The following PGR variants were observed in gnomAD, a reference collection of about 807,000 sequenced individuals.
PGR encodes nuclear receptor subfamily 3 group C member 3.
In PGR, 25 loss-of-function variants were observed where a neutral mutation model predicts 76.1. The ratio of observed to expected loss-of-function variants is 0.33; its 90% confidence interval spans 0.24 to 0.46. The LOEUF (loss-of-function observed/expected upper bound fraction) is 0.46. Ranked by LOEUF, PGR falls within the 20% of genes least tolerant of loss-of-function variation. The pLI, the probability that PGR is intolerant of heterozygous loss-of-function variation, is 1.00. For missense variants in PGR, 1,172 were observed against 1,225.3 expected, an observed-to-expected ratio of 0.96 and a Z score of 0.65; for synonymous variants, 579 against 535.0, an observed-to-expected ratio of 1.08 and a Z score of -1.14.
chr11:101,084,598 C>T lies in PGR; in HGVS notation c.1906+7162G>A, dbSNP rs539086206. Reference sequence around the variant, plus strand: ...GCTTGAACCTGGGAGGTGGAGGTTGCAGTGAGCTGAGATTGCGCCACTGCA... The same window carrying T: ...GCTTGAACCTGGGAGGTGGAGGTTGTAGTGAGCTGAGATTGCGCCACTGCA... On this transcript the variant is annotated intron_variant, in intron 3 of 7. Transcript: ENST00000325455. 2.2e-4 allele frequency among the ~76,000 whole-genome samples: 32 copies of T among 148,044 alleles called. 1 individual carries two copies. In the South Asian group the frequency reaches 6.9e-3, roughly 32 times the overall value.
chr11:101,094,390 C>T (rs148494608), intron 2 of PGR, among the ~76,000 whole-genome samples: 24 of 152,324 alleles, frequency 1.6e-4, no homozygotes, highest in African/African-American at 4.1e-4. Context: ...TCTTTCCCCA[C>T]CTGTCCCATT....
At chr11:101,092,817 A>T (rs1861714968) in intron 2 of PGR, among the ~76,000 whole-genome samples, 1 of 152,196 alleles carries the variant, frequency 6.6e-6, no homozygotes, top group Non-Finnish European at 1.5e-5. Flanking sequence ...GAGTCTTTTA[A>T]TATCATCAGC....
chr11:101,126,193 T>C, intron 1 of PGR, 35 bp from the exon 2 acceptor site: 1 of 1,604,882 alleles, frequency 6.2e-7, no homozygotes. Flanking sequence ...CATTTATTTT[T>C]AAGTGCACCA....
In PGR at chr11:101,034,341, C is replaced by T. The variant is rs144596079; in HGVS notation, c.*4775G>A. 113 of 215,870 alleles carry T rather than the reference C, an allele frequency of 5.2e-4. No homozygotes were observed. The highest frequency in any genetic ancestry group is 2.5e-3 in the African/African-American group (112 of 44,476). 13.4% of individuals were successfully genotyped at this position (215,870 alleles called of 1,614,324 possible). On this transcript the variant is annotated 3_prime_UTR_variant, in exon 8 of 8. Transcript: ENST00000325455. ...ATAAGGCTGCGGACAAGCTTGGGCGCAGCCCCTGTGCCTGTGACCTGAGCT... is the reference window on the plus strand; with the variant it reads ...ATAAGGCTGCGGACAAGCTTGGGCGTAGCCCCTGTGCCTGTGACCTGAGCT...
Position 101,129,418 on chromosome 11 carries a change from G to C in PGR, c.-348C>G, listed in dbSNP as rs540265780. On this transcript the variant is annotated 5_prime_UTR_variant, in exon 1 of 8. Coordinates refer to ENST00000325455, the MANE Select transcript of PGR (RefSeq NM_000926.4). ...CTTCTGTCCGAGGACTGGAGACGCA[G>C]AGTACTCACAAGTCCGGCACTTGAG... 4.0e-5 allele frequency: 12 copies of C among 301,890 alleles called. 1 individual carries two copies. In the East Asian group the frequency reaches 6.0e-4, roughly 15 times the overall value. 18.7% of individuals were successfully genotyped at this position (301,890 alleles called of 1,614,324 possible). A position where few individuals can be genotyped will look rare whatever the true frequency, so the allele number is the denominator to read the frequency against.
Position 101,031,089 on chromosome 11 carries a change from C to T in PGR, c.*8027G>A, listed in dbSNP as rs1591358844. The T allele has an allele frequency of 5.0e-6, 1 of 199,162 alleles. No homozygotes were observed. Among genetic ancestry groups the T allele is most frequent in the East Asian group, 7.8e-5 (1 of 12,874 alleles). The allele number at this position is 199,162 out of a possible 1,614,324, so 12.3% of individuals were successfully genotyped here. On this transcript the variant is annotated 3_prime_UTR_variant, in exon 8 of 8. Coordinates refer to ENST00000325455, the MANE Select transcript of PGR (RefSeq NM_000926.4). ...TAGCAGGCAGTGGTAAGCCATGGCT[C>T]TCCTGAAGGGGCAAGGTGACTCCAC...
At chr11:101,079,363 A>C (rs985767624) in intron 3 of PGR, among the ~76,000 whole-genome samples, 8 of 152,166 alleles carry the variant, frequency 5.3e-5, no homozygotes, top group African/African-American at 1.7e-4. Context: ...AATATTTGAA[A>C]ACTATTCATC....
chr11:101,105,573 A>C (rs1862129847), intron 2 of PGR, among the ~76,000 whole-genome samples: 1 of 151,492 alleles, frequency 6.6e-6, no homozygotes, highest in Non-Finnish European at 1.5e-5. Context: ...CAAGAAAATC[A>C]GAGAGGACAC....
At chr11:101,098,629 T>C (rs481855) in intron 2 of PGR, among the ~76,000 whole-genome samples, 45,003 of 151,994 alleles carry the variant, frequency 0.3, 6,853 homozygotes, top group Non-Finnish European at 0.31. Context: ...AAATGAAAGC[T>C]GGAGGAACAA....
rs1051581099 is a variant in PGR, at chr11:101,037,119, GA to G, written c.*1996del. The G allele has an allele frequency of 1.5e-5, 3 of 198,640 alleles. No individual in the cohort carries two copies. Among genetic ancestry groups the G allele is most frequent in the Admixed American group, 1.2e-4 (2 of 16,548 alleles). 12.3% of individuals were successfully genotyped at this position (198,640 alleles called of 1,614,324 possible). On this transcript the variant is annotated 3_prime_UTR_variant, in exon 8 of 8. Coordinates refer to ENST00000325455, the MANE Select transcript of PGR (RefSeq NM_000926.4). ...TTTTTCTTGGGATGACATTTGTGGG[GA>G]AAATATATTGAAAGCCTTTTCAATA...
rs1862895953 is a variant in PGR, at chr11:101,127,587, A to G, written c.1484T>C (p.Leu495Pro). The change falls in exon 1 of 8, where the codon CTG becomes CCG. Residue 495 changes from leucine (L) to proline (P), a missense_variant. Around this residue, in one of 4 missense-constraint regions of PGR, gnomAD observed 893 missense variants for 785.9 expected, o/e 1.14. Transcript: ENST00000325455. ...GGCGGCAGAGGCGGAGGTGGAGGGC[A>G]GGCCGTCCCGCGGGAGCAGGCAGCC... ...ASGCLLPRDG[L>P]PSTSASAAAA... 1 of 1,315,446 alleles carries G rather than the reference A, an allele frequency of 7.6e-7. No individual in the cohort carries two copies. 81.5% of individuals were successfully genotyped at this position (1,315,446 alleles called of 1,614,324 possible).
At chr11:101,109,895 G>A (rs1490027071) in intron 2 of PGR, among the ~76,000 whole-genome samples, 1 of 152,182 alleles carries the variant, frequency 6.6e-6, no homozygotes. Flanking sequence ...ATGAAGCTGG[G>A]CATTTGAAGT....
In PGR at chr11:101,129,190, A is replaced by G. The variant is rs1371187908; in HGVS notation, c.-120T>C. On this transcript the variant is annotated 5_prime_UTR_variant, in exon 1 of 8. Coordinates refer to ENST00000325455, the MANE Select transcript of PGR (RefSeq NM_000926.4). ...GAAAGTGGGTGTTGAATGTGGCTGG[A>G]CCGGAGGGATCTCCACCTCCTGGGT... 2.2e-5 allele frequency: 4 copies of G among 183,932 alleles called. No homozygotes were observed. The highest frequency in any genetic ancestry group is 3.6e-5 in the Non-Finnish European group (4 of 111,054). The allele number at this position is 183,932 out of a possible 1,614,324, so 11.4% of individuals were successfully genotyped here.
chr11:101,104,439 A>G (rs1050616228), intron 2 of PGR, among the ~76,000 whole-genome samples: 2 of 152,236 alleles, frequency 1.3e-5, no homozygotes, highest in African/African-American at 4.8e-5. Flanking sequence ...TAAGGCTGTT[A>G]TATGGATTAA....
At chr11:101,094,079 C>T (rs546070627) in intron 2 of PGR, among the ~76,000 whole-genome samples, 4 of 152,252 alleles carry the variant, frequency 2.6e-5, no homozygotes, top group African/African-American at 9.6e-5. Flanking sequence ...TCTTTAGTCT[C>T]TCCAGTCCAG....
intron 2 of PGR, among the ~76,000 whole-genome samples, chr11:101,107,814 T>G (rs1862211566): frequency 6.7e-6 from 1 of 149,400 alleles, no homozygotes; most frequent in African/African-American, 2.5e-5. Context: ...TGACTTAAGA[T>G]TCTGTTATAA....
At chr11:101,093,129 T>A (rs1235838345) in intron 2 of PGR, among the ~76,000 whole-genome samples, 1 of 152,236 alleles carries the variant, frequency 6.6e-6, no homozygotes, top group East Asian at 1.9e-4. Flanking sequence ...CATGCCTCTA[T>A]AAACTTATGT....
At chr11:101,101,587 C>T (rs1248745068) in intron 2 of PGR, among the ~76,000 whole-genome samples, 4 of 152,098 alleles carry the variant, frequency 2.6e-5, no homozygotes, top group African/African-American at 9.7e-5. Context: ...TAAAATACTC[C>T]TCCATTTTCC....
intron 2 of PGR, among the ~76,000 whole-genome samples, chr11:101,096,582 C>A (rs192677540): frequency 3.0e-4 from 45 of 152,220 alleles, no homozygotes; most frequent in Admixed American, 1.4e-3. Flanking sequence ...ACTTCAGGTA[C>A]CTGGCTGTAT....
Sources: gnomAD v4.1 joint callset for allele counts (sites outside exome capture counted in the v4.1 genomes callset) on GRCh38, gnomAD v4.1.1 for gene constraint, gnomAD v4.1.1 regional missense constraint, MANE v1.5 for transcripts, NCBI Gene and HGNC (gene_info 2026-07-23, HGNC 2026-07-21) for gene names.